DGKI: variants seen among roughly 807,000 people sequenced by gnomAD.
The protein encoded by DGKI is DAG kinase iota.
A neutral mutation model predicts 147.5 loss-of-function variants in DGKI; 55 were observed. That is an observed-to-expected ratio of 0.37 (90% CI 0.30 to 0.47). The LOEUF is 0.47. Among genes scored for constraint, DGKI ranks in the 20% least tolerant of loss-of-function variants. DGKI has a pLI of 1.00. For synonymous variants in DGKI, 469 were observed against 477.1 expected, an observed-to-expected ratio of 0.98 and a Z score of 0.22; for missense variants, 1,007 against 1,323.8, an observed-to-expected ratio of 0.76 and a Z score of 3.71.
At chr7:137,522,150 A>G (rs1204932701) in intron 20 of DGKI, among the ~76,000 whole-genome samples, 184 bp from the exon 21 acceptor site, 1 of 152,116 alleles carries the variant, frequency 6.6e-6, no homozygotes, top group South Asian at 2.1e-4. Flanking sequence ...CCAGAAACCA[A>G]AAGTTTCTGG....
intron 1 of DGKI, among the ~76,000 whole-genome samples, chr7:137,811,345 T>TTCTCTCTCTCTCTCTCTCCCTCTCTCTC (rs1797565554): frequency 1.4e-5 from 1 of 71,874 alleles, no homozygotes; most frequent in Non-Finnish European, 3.4e-5. Context: ...CTGTCTCTCT[T>TTCTCTCTCTCTCTCTCTCCCTCTCTCTC]TCTCTCTCTC....
At chr7:137,529,760 T>G (rs533027040) in intron 20 of DGKI, among the ~76,000 whole-genome samples, 39 of 152,302 alleles carry the variant, frequency 2.6e-4, no homozygotes, top group African/African-American at 7.5e-4. Flanking sequence ...CCTACATACA[T>G]GTGTTATGAC....
At chr7:137,634,663 A>G (rs1350255517) in intron 6 of DGKI, among the ~76,000 whole-genome samples, 1 of 152,188 alleles carries the variant, frequency 6.6e-6, no homozygotes, top group Admixed American at 6.5e-5. Flanking sequence ...ATTATCCACT[A>G]TTATTACAGT....
intron 1 of DGKI, among the ~76,000 whole-genome samples, chr7:137,813,561 A>G (rs866351941): frequency 1.3e-5 from 2 of 152,298 alleles, no homozygotes; most frequent in African/African-American, 2.4e-5. Context: ...CCACCATTCA[A>G]TAAACTTAAA....
At chr7:137,734,542 G>T (rs1794969230) in intron 1 of DGKI, among the ~76,000 whole-genome samples, 1 of 151,928 alleles carries the variant, frequency 6.6e-6, no homozygotes, top group Non-Finnish European at 1.5e-5. Context: ...CTTGTTAAGT[G>T]GCTCTGCAGA....
intron 1 of DGKI, among the ~76,000 whole-genome samples, chr7:137,743,619 C>A (rs1795241629): frequency 6.6e-6 from 1 of 152,124 alleles, no homozygotes. Context: ...AAAACGTCTA[C>A]ATCAAGAAGA....
intron 7 of DGKI, among the ~76,000 whole-genome samples, chr7:137,622,149 C>A (rs1248760419): frequency 6.6e-6 from 1 of 152,006 alleles, no homozygotes; most frequent in Non-Finnish European, 1.5e-5. Context: ...CTTTCCAGAC[C>A]ACCGAGTCTC....
intron 20 of DGKI, among the ~76,000 whole-genome samples, chr7:137,543,557 T>C (rs1357348432): frequency 6.6e-6 from 1 of 151,934 alleles, no homozygotes; most frequent in Non-Finnish European, 1.5e-5. Flanking sequence ...AAAAAAAAGA[T>C]CACTTCAAGC....
chr7:137,465,025 A>G (rs34384461), intron 26 of DGKI, among the ~76,000 whole-genome samples: 11,285 of 152,280 alleles, frequency 0.074, 539 homozygotes, highest in African/African-American at 0.13. Context: ...CTCTAAATAA[A>G]TAGTTTTTAA....
intron 21 of DGKI, among the ~76,000 whole-genome samples, chr7:137,506,996 G>A (rs865993057): frequency 1.3e-5 from 2 of 152,264 alleles, no homozygotes; most frequent in Admixed American, 1.3e-4. Flanking sequence ...ATAAGAATTA[G>A]ATAGAATCAG....
intron 20 of DGKI, among the ~76,000 whole-genome samples, chr7:137,526,645 A>AG (rs774263842): frequency 2.0e-5 from 3 of 152,090 alleles, no homozygotes; most frequent in Admixed American, 6.6e-5. Flanking sequence ...GAAGGGAGGT[A>AG]GACTGACTTT....
intron 10 of DGKI, among the ~76,000 whole-genome samples, chr7:137,607,700 T>C (rs1820228657): frequency 1.3e-5 from 2 of 152,174 alleles, no homozygotes; most frequent in African/African-American, 4.8e-5. Flanking sequence ...TAACCTTTGA[T>C]AGAACATAGG....
At chr7:137,704,537 A>G (rs1793950324) in intron 1 of DGKI, among the ~76,000 whole-genome samples, 1 of 152,188 alleles carries the variant, frequency 6.6e-6, no homozygotes, top group South Asian at 2.1e-4. Context: ...CGTCAAGCAT[A>G]CCAGCATATT....
intron 6 of DGKI, among the ~76,000 whole-genome samples, chr7:137,630,782 T>C (rs974603250): frequency 1.3e-5 from 2 of 152,182 alleles, no homozygotes; most frequent in African/African-American, 2.4e-5. Flanking sequence ...CAAAATCATA[T>C]ATGAACCTTT....
In DGKI at chr7:137,478,193, A is replaced by G. The variant is rs1815243326; in HGVS notation, c.2373+7181T>C. On this transcript the variant is annotated intron_variant, in intron 23 of 32. Transcript: ENST00000614521. ...ACATAGCTTATATAAGTCAAGAGAT[A>G]TACCATGAGGACCTTGATATCAGAG... 1.3e-5 allele frequency among the ~76,000 whole-genome samples: 2 copies of G among 152,190 alleles called. 1 individual carries two copies. The highest frequency in any genetic ancestry group is 4.1e-4 in the South Asian group (2 of 4,834).
At chr7:137,797,519 T>C (rs933325425) in intron 1 of DGKI, among the ~76,000 whole-genome samples, 1 of 152,156 alleles carries the variant, frequency 6.6e-6, no homozygotes, top group African/African-American at 2.4e-5. Flanking sequence ...GTCATTGATA[T>C]GACAATAATT....
At position 137,386,044 on chromosome 7, in the gene DGKI, T is replaced by C. The variant is rs867999230; in HGVS notation, c.*5176A>G. 2.9e-4 allele frequency: 44 copies of C among 152,310 alleles called. No homozygotes were observed. The highest frequency in any genetic ancestry group is 1.0e-3 in the African/African-American group (42 of 41,582). The allele number at this position is 152,310 out of a possible 1,614,324, so 9.4% of individuals were successfully genotyped here. On this transcript the variant is annotated 3_prime_UTR_variant, in exon 33 of 33. Transcript: ENST00000614521. Reference sequence around the variant, plus strand: ...TATGATTGATTCATGGACATATGATTACATGCATAACTGAATACATATGTA... The same window carrying C: ...TATGATTGATTCATGGACATATGATCACATGCATAACTGAATACATATGTA...
intron 6 of DGKI, among the ~76,000 whole-genome samples, chr7:137,632,715 T>C (rs759304263): frequency 1.2e-4 from 18 of 151,948 alleles, no homozygotes; most frequent in East Asian, 1.9e-4. Flanking sequence ...AAAAATTAGC[T>C]GGGCGTGGTG....
In DGKI at chr7:137,846,645, C is replaced by T; in HGVS notation, c.218G>A (p.Gly73Glu). 4 of 1,067,716 alleles carry T rather than the reference C, an allele frequency of 3.7e-6. No homozygotes were observed. Among genetic ancestry groups the T allele is most frequent in the Non-Finnish European group, 4.5e-6 (4 of 884,996 alleles). 66.1% of individuals were successfully genotyped at this position (1,067,716 alleles called of 1,614,324 possible). A position where few individuals can be genotyped will look rare whatever the true frequency, so the allele number is the denominator to read the frequency against. ...KGATGGSSSS[G>E]SGAGSCCLGA... ...CAGGCAGCAGCTCCCGGCGCCGCTT[C>T]CGCTGCTGCTGCTGCCGCCCGTCGC... is the stretch of plus-strand genomic sequence containing the variant. Residue 73 changes from glycine (G) to glutamate (E), a missense_variant, in exon 1 of 33, where the codon GGA (glycine) becomes GAA (glutamate). Physicochemically the swap from Gly to Glu is moderately conservative, Grantham distance 98 (BLOSUM62 -2). This residue lies in a region of DGKI where 137 missense variants were observed against 114.4 expected (regional missense o/e 1.20). Coordinates refer to ENST00000614521, the MANE Select transcript of DGKI (RefSeq NM_001321708.2). This position sits in a 1 kb window ranked among gnomAD's most constrained non-coding sequence, Gnocchi z 4.0.
Sources: gnomAD v4.1 joint callset for allele counts (sites outside exome capture counted in the v4.1 genomes callset) on GRCh38, gnomAD v4.1.1 for gene constraint, gnomAD v4.1.1 regional missense constraint, Gnocchi (gnomAD v3.1) non-coding constraint, MANE v1.5 for transcripts, NCBI Gene and HGNC (gene_info 2026-07-23, HGNC 2026-07-21) for gene names.